Variants in NRXN2 observed in about 807,000 individuals in gnomAD.
NRXN2 encodes the protein neurexin 2, also known as neurexin-2-beta.
In NRXN2, 29 loss-of-function variants were observed where a neutral mutation model predicts 128.8. The observed-to-expected ratio is 0.23, with a 90% CI of 0.17 to 0.31. The LOEUF (loss-of-function observed/expected upper bound fraction) is 0.31. NRXN2 is among the 10% of genes least tolerant of loss of function. NRXN2 has a pLI of 1.00. For synonymous variants in NRXN2, 1,098 were observed against 1,075.2 expected, an observed-to-expected ratio of 1.02 and a Z score of -0.41; for missense variants, 1,881 against 2,452.6, an observed-to-expected ratio of 0.77 and a Z score of 4.92.
In NRXN2 at chr11:64,714,905, T is replaced by C. The variant is rs2057249362; in HGVS notation, c.-244-962A>G. Among the ~76,000 whole-genome samples the C allele has an allele frequency of 6.6e-6, 1 of 152,130 alleles. No individual in the cohort carries two copies. Among genetic ancestry groups the C allele is most frequent in the African/African-American group, 2.4e-5 (1 of 41,420 alleles). On this transcript the variant is annotated intron_variant, in intron 1 of 22. Coordinates refer to ENST00000265459, the MANE Select transcript of NRXN2 (RefSeq NM_015080.4). The surrounding 1 kb of genome is among the most constrained non-coding windows in gnomAD (Gnocchi z 4.5). ...ATCTCGTTAAACTCCAAGTCGTAAT[T>C]ATTTATATCCAACAACCCTCCTGAA...
At position 64,623,065 on chromosome 11, in the gene NRXN2, G is replaced by T; in HGVS notation, c.3861C>A (p.Thr1287=). 1.2e-6 allele frequency: 2 copies of T among 1,603,924 alleles called. No individual in the cohort carries two copies. Among genetic ancestry groups the T allele is most frequent in the South Asian group, 2.2e-5 (2 of 89,650 alleles). ...TGATGGCAGCCTGGCTGTTGAAGAT[G>T]GTCAGCTGGCGGCCTTGCAGGAGTG... The part of the protein sequence containing the change: ...EWLLDKGRQL[T]IFNSQAAIKI... Residue 1287 remains threonine, a synonymous_variant, in exon 21 of 23, where the codon ACC becomes ACA. Transcript: ENST00000265459. The surrounding 1 kb of genome is among the most constrained non-coding windows in gnomAD (Gnocchi z 4.9).
Position 64,630,364 on chromosome 11 carries a change from C to G in NRXN2, c.3757+38G>C. On this transcript the variant is annotated intron_variant, in intron 19 of 22. Coordinates refer to ENST00000265459, the MANE Select transcript of NRXN2 (RefSeq NM_015080.4). The surrounding 1 kb of genome is among the most constrained non-coding windows in gnomAD (Gnocchi z 4.6). Reference sequence around the variant, plus strand: ...CTCCTATCAGAGGCCGCCACCCGCCCCGCCACCGCGCCTCCTCCGCGGGCC... The same window carrying G: ...CTCCTATCAGAGGCCGCCACCCGCCGCGCCACCGCGCCTCCTCCGCGGGCC... 2 of 1,591,000 alleles carry G rather than the reference C, an allele frequency of 1.3e-6. No homozygotes were observed. Among genetic ancestry groups the G allele is most frequent in the South Asian group, 1.1e-5 (1 of 90,332 alleles).
rs1430815654 is a variant in NRXN2, at chr11:64,713,627, G to C, written c.73C>G (p.Arg25Gly). ...CCGCCGAACTCCAGGCCGTCCGCGC[G>C]CGCCGCCAGCGCCAGCAGCAGCAGC... ...LLLLLLALAA[R>G]ADGLEFGGGP... The change falls in exon 2 of 23, where the codon CGC becomes GGC. Residue 25 changes from arginine (R) to glycine (G), a missense_variant. Transcript: ENST00000265459. 4.8e-6 allele frequency: 6 copies of C among 1,251,468 alleles called. No individual in the cohort carries two copies. The highest frequency in any genetic ancestry group is 6.0e-6 in the Non-Finnish European group (6 of 994,042). The allele number at this position is 1,251,468 out of a possible 1,614,324, so 77.5% of individuals were successfully genotyped here.
intron 7 of NRXN2, chr11:64,675,050 C>T (rs2051118138): frequency 6.6e-6 from 1 of 152,232 alleles, no homozygotes; most frequent in Admixed American, 6.5e-5. Context: ...GGGTGTACCA[C>T]ATGGCTTGAT....
At chr11:64,616,320 G>C (rs976782490) in intron 22 of NRXN2, among the ~76,000 whole-genome samples, 5 of 152,144 alleles carry the variant, frequency 3.3e-5, no homozygotes, top group African/African-American at 1.2e-4. Context: ...CTGTGAGCCT[G>C]GTCATAGATG....
chr11:64,669,461 G>C (rs879692428), intron 7 of NRXN2, among the ~76,000 whole-genome samples: 5 of 152,196 alleles, frequency 3.3e-5, no homozygotes, highest in Non-Finnish European at 5.9e-5. Context: ...GGAACAGACG[G>C]GGACAGGGCT....
At chr11:64,614,834 C>G (rs1027543166) in intron 22 of NRXN2, among the ~76,000 whole-genome samples, 1 of 152,250 alleles carries the variant, frequency 6.6e-6, no homozygotes, top group Non-Finnish European at 1.5e-5. Flanking sequence ...TCCAGAGGAG[C>G]CAGGTCTTGA....
At chr11:64,617,352 C>T (rs2041699053) in intron 22 of NRXN2, among the ~76,000 whole-genome samples, 1 of 152,180 alleles carries the variant, frequency 6.6e-6, no homozygotes, top group African/African-American at 2.4e-5. Context: ...TGTGCAAAGT[C>T]AGATCCCCTC....
In NRXN2 at chr11:64,651,911, G is replaced by T; in HGVS notation, c.2536+124C>A. On this transcript the variant is annotated intron_variant, in intron 13 of 22. Transcript: ENST00000265459. This position sits in a 1 kb window ranked among gnomAD's most constrained non-coding sequence, Gnocchi z 5.9. ...AACATTCCACCCCTGAAGGAGAAATGGCAGAGGCAGCTTGCCAGAACACTG... is the reference window on the plus strand; with the variant it reads ...AACATTCCACCCCTGAAGGAGAAATTGCAGAGGCAGCTTGCCAGAACACTG... The T allele has an allele frequency of 6.9e-7, 1 of 1,456,312 alleles. No homozygotes were observed. Among genetic ancestry groups the T allele is most frequent in the Non-Finnish European group, 9.5e-7 (1 of 1,051,354 alleles). The allele number at this position is 1,456,312 out of a possible 1,614,324, so 90.2% of individuals were successfully genotyped here. A position where few individuals can be genotyped will look rare whatever the true frequency, so the allele number is the denominator to read the frequency against.
intron 20 of NRXN2, among the ~76,000 whole-genome samples, chr11:64,625,611 T>C (rs757427275): frequency 9.2e-5 from 14 of 152,136 alleles, no homozygotes; most frequent in Non-Finnish European, 2.1e-4. Context: ...ACAGTTCTAC[T>C]TCCCCCCTAG....
intron 22 of NRXN2, among the ~76,000 whole-genome samples, chr11:64,615,470 A>G (rs1029050494): frequency 1.3e-5 from 2 of 152,182 alleles, no homozygotes; most frequent in African/African-American, 2.4e-5. Context: ...GACTCTGTGG[A>G]GTTAAGCCTG....
Position 64,651,219 on chromosome 11 carries a change from AC to A in NRXN2, c.2918+35del. ...TGTGGTTCAGCAGGGGGAGGGGGCC[AC>A]CTCCTTGACAGCAGTGCAATCCCCA... On this transcript the variant is annotated intron_variant, in intron 14 of 22. Coordinates refer to ENST00000265459, the MANE Select transcript of NRXN2 (RefSeq NM_015080.4). This position sits in a 1 kb window ranked among gnomAD's most constrained non-coding sequence, Gnocchi z 5.9. The A allele has an allele frequency of 6.2e-7, 1 of 1,612,888 alleles. No individual in the cohort carries two copies. The highest frequency in any genetic ancestry group is 1.3e-5 in the African/African-American group (1 of 74,978).
At chr11:64,625,566 A>G (rs1324174293) in intron 20 of NRXN2, among the ~76,000 whole-genome samples, 1 of 152,160 alleles carries the variant, frequency 6.6e-6, no homozygotes, top group African/African-American at 2.4e-5. Flanking sequence ...TGGACATTTA[A>G]AAGCACAGTT....
rs1436182564 is a variant in NRXN2, at chr11:64,630,392, C to A, written c.3757+10G>T. 2.5e-6 allele frequency: 4 copies of A among 1,607,098 alleles called. No homozygotes were observed. The highest frequency in any genetic ancestry group is 3.4e-6 in the Non-Finnish European group (4 of 1,177,874). The stretch of plus-strand genomic sequence containing the variant: ...CCACCGCGCCTCCTCCGCGGGCCCG[C>A]GCCGCCTACCTGCCGGGTACCGCTC... On this transcript the variant is annotated intron_variant, in intron 19 of 22. Transcript: ENST00000265459. This position sits in a 1 kb window ranked among gnomAD's most constrained non-coding sequence, Gnocchi z 4.6.
chr11:64,648,152 G>A lies in NRXN2; in HGVS notation c.3403+67C>T. On this transcript the variant is annotated intron_variant, in intron 17 of 22. Transcript: ENST00000265459. This position sits in a 1 kb window ranked among gnomAD's most constrained non-coding sequence, Gnocchi z 4.1. Reference sequence around the variant, plus strand: ...GCTCAGAGGCCCTGTTTCCTCCCTGGCAGCCCCTATGGCTGGGAATGGACC... The same window carrying A: ...GCTCAGAGGCCCTGTTTCCTCCCTGACAGCCCCTATGGCTGGGAATGGACC... 1 of 1,608,634 alleles carries A rather than the reference G, an allele frequency of 6.2e-7. No individual in the cohort carries two copies. The highest frequency in any genetic ancestry group is 8.5e-7 in the Non-Finnish European group (1 of 1,176,162).
intron 19 of NRXN2, among the ~76,000 whole-genome samples, chr11:64,628,374 G>C (rs2043378907): frequency 6.6e-6 from 1 of 152,162 alleles, no homozygotes; most frequent in Non-Finnish European, 1.5e-5. Context: ...GAATCAGAGG[G>C]TCCCCCCCCA....
chr11:64,636,032 C>T (rs1458862521), intron 17 of NRXN2, among the ~76,000 whole-genome samples: 1 of 151,556 alleles, frequency 6.6e-6, no homozygotes, highest in Non-Finnish European at 1.5e-5. Flanking sequence ...CGCCCTCACC[C>T]AGGGGGCTGC....
intron 3 of NRXN2, among the ~76,000 whole-genome samples, chr11:64,696,885 C>G (rs2054620789): frequency 6.6e-6 from 1 of 152,208 alleles, no homozygotes; most frequent in African/African-American, 2.4e-5. Flanking sequence ...CTACCTTCTT[C>G]CTGCTCTCAG....
intron 2 of NRXN2, among the ~76,000 whole-genome samples, chr11:64,706,194 T>C (rs1456744172): frequency 5.3e-5 from 1 of 18,902 alleles, no homozygotes; most frequent in Non-Finnish European, 1.1e-4. Context: ...AATTATACTT[T>C]AAGTTTTAGG....
Sources: gnomAD v4.1 joint callset for allele counts (sites outside exome capture counted in the v4.1 genomes callset) on GRCh38, gnomAD v4.1.1 for gene constraint, Gnocchi (gnomAD v3.1) non-coding constraint, MANE v1.5 for transcripts, NCBI Gene and HGNC (gene_info 2026-07-23, HGNC 2026-07-21) for gene names.